Variants in MAST4 observed in about 807,000 individuals in gnomAD.
MAST4 encodes microtubule-associated serine/threonine-protein kinase 4.
In MAST4, 89 loss-of-function variants were observed where a neutral mutation model predicts 162.7. The ratio of observed to expected loss-of-function variants is 0.55; its 90% CI spans 0.46 to 0.65. The LOEUF (loss-of-function observed/expected upper bound fraction) is 0.65, where lower values mean the gene tolerates loss of function less well. Ranked by LOEUF, MAST4 falls within the 30% of genes least tolerant of loss-of-function variation. The pLI is 0.00. For synonymous variants in MAST4, 1,479 were observed against 1,361.1 expected (o/e 1.09, Z -1.91); for missense variants, 3,153 against 3,374.0 (o/e 0.93, Z 1.62).
chr5:66,757,975 C>G (rs905556267), intron 1 of MAST4, among the ~76,000 whole-genome samples: 4 of 151,958 alleles, frequency 2.6e-5, no homozygotes, highest in African/African-American at 9.7e-5. Context: ...TGGAGGCCCT[C>G]CTAAATAGGA....
chr5:66,972,645 C>T (rs1473261588), intron 4 of MAST4, among the ~76,000 whole-genome samples: 3 of 152,166 alleles, frequency 2.0e-5, no homozygotes, highest in East Asian at 1.9e-4. Flanking sequence ...TAGTCTGAGC[C>T]GCTGCCATTT....
At chr5:67,008,149 G>A (rs1256207676) in intron 4 of MAST4, among the ~76,000 whole-genome samples, 2 of 152,134 alleles carry the variant, frequency 1.3e-5, no homozygotes, top group Non-Finnish European at 2.9e-5. Flanking sequence ...TTTCCTCAAG[G>A]TAGTCTCAGT....
At chr5:66,762,152 C>T (rs1278687175) in intron 2 of MAST4, among the ~76,000 whole-genome samples, 1 of 152,056 alleles carries the variant, frequency 6.6e-6, no homozygotes, top group African/African-American at 2.4e-5. Flanking sequence ...ATTTTAACAG[C>T]TCTAGCAAGT....
intron 3 of MAST4, among the ~76,000 whole-genome samples, chr5:66,791,197 C>A (rs1205762797): frequency 6.6e-6 from 1 of 152,110 alleles, no homozygotes; most frequent in Non-Finnish European, 1.5e-5. Context: ...CTAATTTTTG[C>A]ATTTTTGGTA....
intron 14 of MAST4, 132 bp from the exon 15 acceptor site, chr5:67,130,078 A>G (rs1181707823): frequency 1.3e-6 from 1 of 760,300 alleles, no homozygotes; most frequent in Non-Finnish European, 2.1e-6. Context: ...TGTAGCTGCC[A>G]GCTTGTGTGA....
intron 1 of MAST4, among the ~76,000 whole-genome samples, chr5:66,700,849 G>A (rs1323206681): frequency 1.3e-5 from 2 of 148,596 alleles, no homozygotes; most frequent in African/African-American, 2.5e-5. Context: ...CGGTGTATTA[G>A]AACTTGTGGA....
At chr5:67,081,876 G>A (rs1415143532) in intron 5 of MAST4, among the ~76,000 whole-genome samples, 1 of 152,100 alleles carries the variant, frequency 6.6e-6, no homozygotes, top group Non-Finnish European at 1.5e-5. Flanking sequence ...CATTTTAAAT[G>A]TGTTTCAGAA....
At chr5:66,674,353 G>A (rs1472509463) in intron 1 of MAST4, among the ~76,000 whole-genome samples, 3 of 152,162 alleles carry the variant, frequency 2.0e-5, no homozygotes, top group Admixed American at 6.5e-5. Flanking sequence ...CTGGACCCTC[G>A]TGGGCAAAGA....
chr5:66,656,865 G>A (rs903263060), intron 1 of MAST4, among the ~76,000 whole-genome samples: 29 of 152,128 alleles, frequency 1.9e-4, no homozygotes, highest in Admixed American at 1.3e-4. Flanking sequence ...AAACACCTTT[G>A]TTTATACCTG....
intron 4 of MAST4, among the ~76,000 whole-genome samples, chr5:66,972,900 G>A (rs868285473): frequency 6.6e-6 from 1 of 152,124 alleles, no homozygotes; most frequent in African/African-American, 2.4e-5. Context: ...GCATGTTCCT[G>A]TGTCAGGGCT....
At chr5:66,743,686 G>A (rs1752593531) in intron 1 of MAST4, among the ~76,000 whole-genome samples, 1 of 152,196 alleles carries the variant, frequency 6.6e-6, no homozygotes, top group African/African-American at 2.4e-5. Context: ...ACTCAGCCCA[G>A]GGAAACAGGA....
chr5:67,150,444 G>A (rs181247553), intron 24 of MAST4, among the ~76,000 whole-genome samples: 2 of 152,306 alleles, frequency 1.3e-5, no homozygotes, highest in Admixed American at 1.3e-4. Context: ...ATGCTCATTT[G>A]GGAGTAGTGC....
intron 1 of MAST4, among the ~76,000 whole-genome samples, chr5:66,703,619 T>G (rs1749923581): frequency 1.3e-5 from 2 of 152,194 alleles, no homozygotes; most frequent in Admixed American, 6.5e-5. Context: ...ACATAAAATG[T>G]GCTCATCTTG....
intron 3 of MAST4, chr5:66,792,511 TG>T (rs925952551): frequency 6.4e-6 from 1 of 156,526 alleles, no homozygotes; most frequent in African/African-American, 2.4e-5. Context: ...TAAATAATGT[TG>T]AAGGAATAAA....
chr5:66,785,714 T>C (rs1305572841), intron 2 of MAST4, among the ~76,000 whole-genome samples: 2 of 152,196 alleles, frequency 1.3e-5, no homozygotes, highest in Non-Finnish European at 2.9e-5. Flanking sequence ...AATAGTATGG[T>C]TTCCCTGCAT....
rs1404945489 is a variant in MAST4, at chr5:67,166,950, A to G, written c.7771A>G (p.Thr2591Ala). 3 of 1,612,042 alleles carry G rather than the reference A, an allele frequency of 1.9e-6. No individual in the cohort carries two copies. In the Admixed American group the frequency reaches 5.0e-5, roughly 27 times the overall value. The change falls in exon 29 of 29, where the codon ACT (threonine) becomes GCT (alanine). Residue 2591 changes from threonine to alanine, a missense_variant. Coordinates refer to ENST00000403625, the MANE Select transcript of MAST4 (RefSeq NM_001164664.2). ...DVTKPSPAPN[T>A]DRPISLSNEK... ...GACCAAGCCATCCCCAGCCCCAAACACTGACCGCCCCATCTCTCTTTCTAA... is the reference window on the plus strand; with the variant it reads ...GACCAAGCCATCCCCAGCCCCAAACGCTGACCGCCCCATCTCTCTTTCTAA...
At chr5:67,057,123 T>C (rs2150572238) in intron 5 of MAST4, among the ~76,000 whole-genome samples, 1 of 152,298 alleles carries the variant, frequency 6.6e-6, no homozygotes, top group East Asian at 1.9e-4. Context: ...TTCCTATTTC[T>C]GTATAAAAAG....
intron 3 of MAST4, among the ~76,000 whole-genome samples, chr5:66,823,470 A>G (rs1462027670): frequency 6.6e-6 from 1 of 152,184 alleles, no homozygotes. Flanking sequence ...AATGTGATCA[A>G]CAAATGTTGG....
At chr5:66,849,160 G>T (rs1458232275) in intron 3 of MAST4, among the ~76,000 whole-genome samples, 1 of 152,090 alleles carries the variant, frequency 6.6e-6, no homozygotes, top group Admixed American at 6.5e-5. Flanking sequence ...GCCAAACTGG[G>T]GTTCCATGTC....
Sources: allele counts gnomAD v4.1 joint callset (sites outside exome capture counted in the v4.1 genomes callset), GRCh38; gene constraint gnomAD v4.1.1; transcripts MANE v1.5; gene names NCBI Gene and HGNC (gene_info 2026-07-23, HGNC 2026-07-21).